Variants in TSHZ2 observed in about 807,000 individuals in gnomAD.
TSHZ2 encodes the protein teashirt homolog 2.
A neutral mutation model predicts 74.4 loss-of-function variants in TSHZ2; 21 were observed. The observed-to-expected ratio is 0.28, with a 90% CI of 0.20 to 0.41. The LOEUF (loss-of-function observed/expected upper bound fraction) is 0.41. Ranked by LOEUF, TSHZ2 falls within the 10% of genes least tolerant of loss-of-function variation. TSHZ2 has a pLI of 1.00. For synonymous variants in TSHZ2, 540 were observed against 515.3 expected, an observed-to-expected ratio of 1.05 and a Z score of -0.65; for missense variants, 1,244 against 1,293.5, an observed-to-expected ratio of 0.96 and a Z score of 0.59.
chr20:53,336,812 A>C (rs781331997), intron 2 of TSHZ2, among the ~76,000 whole-genome samples: 1 of 152,162 alleles, frequency 6.6e-6, no homozygotes, highest in Non-Finnish European at 1.5e-5. Context: ...ATAATGTATT[A>C]TATATATGAA....
intron 2 of TSHZ2, among the ~76,000 whole-genome samples, chr20:53,432,313 T>C (rs1021579423): frequency 1.4e-4 from 22 of 152,232 alleles, no homozygotes; most frequent in African/African-American, 5.3e-4. Flanking sequence ...TTTCATTCTT[T>C]GTATGGCTAA....
intron 1 of TSHZ2, among the ~76,000 whole-genome samples, chr20:53,173,727 G>A (rs1040484064): frequency 2.0e-5 from 3 of 152,156 alleles, no homozygotes; most frequent in African/African-American, 7.2e-5. Flanking sequence ...GGGATGGATG[G>A]GTGGGTGGGT....
At chr20:53,152,240 T>C (rs956413748) in intron 1 of TSHZ2, among the ~76,000 whole-genome samples, 3 of 152,142 alleles carry the variant, frequency 2.0e-5, no homozygotes, top group Non-Finnish European at 4.4e-5. Context: ...GGAGCTTAGA[T>C]CCAATCCACT....
intron 1 of TSHZ2, among the ~76,000 whole-genome samples, chr20:53,012,851 C>G (rs1157505411): frequency 5.3e-5 from 8 of 152,126 alleles, no homozygotes; most frequent in Non-Finnish European, 1.2e-4. Context: ...TAAGATCTCT[C>G]CTTTCCACAA....
rs115940361 is a variant in TSHZ2, at chr20:53,446,943, A to G, written c.*9-40201A>G. Reference sequence around the variant, plus strand: ...GCCCCTAAGAGCCTTCCTCCCCTCTAGGGCTGGACCCCATAAGCAAAAAGA... The same window carrying G: ...GCCCCTAAGAGCCTTCCTCCCCTCTGGGGCTGGACCCCATAAGCAAAAAGA... On this transcript the variant is annotated intron_variant, in intron 2 of 2. Coordinates refer to ENST00000371497, the MANE Select transcript of TSHZ2 (RefSeq NM_173485.6). Among the ~76,000 whole-genome samples, 966 of 152,226 alleles carry G rather than the reference A, an allele frequency of 6.3e-3. 16 individuals carry two copies. Among genetic ancestry groups the G allele is most frequent in the African/African-American group, 0.021 (856 of 41,538 alleles).
intron 2 of TSHZ2, among the ~76,000 whole-genome samples, chr20:53,486,607 C>A (rs1986294913): frequency 6.6e-6 from 1 of 152,068 alleles, no homozygotes; most frequent in African/African-American, 2.4e-5. Flanking sequence ...TTGGGCCTGG[C>A]AGGTTGAGGT....
chr20:53,177,526 C>T (rs1426541581), intron 1 of TSHZ2, among the ~76,000 whole-genome samples: 1 of 152,228 alleles, frequency 6.6e-6, no homozygotes, highest in African/African-American at 2.4e-5. Flanking sequence ...AGGCTTTAGA[C>T]TTGCCCTTTA....
intron 1 of TSHZ2, among the ~76,000 whole-genome samples, chr20:53,217,331 C>A (rs1312533080): frequency 7.9e-5 from 12 of 152,280 alleles, no homozygotes; most frequent in South Asian, 4.1e-4. Context: ...TGGCCTCACC[C>A]GACAGCCCCC....
rs565676463 is a variant in TSHZ2, at chr20:53,039,139, A to C, written c.40+65806A>C. ...AACCTCAGGTGATCCACCCACTTCC[A>C]CCTCCCTACACTTTTCATTCCTGCC... On this transcript the variant is annotated intron_variant, in intron 1 of 2. Transcript: ENST00000371497. Among the ~76,000 whole-genome samples the C allele has an allele frequency of 5.3e-3, 779 of 147,654 alleles. 7 individuals are homozygous for C. Among genetic ancestry groups the C allele is most frequent in the South Asian group, 0.018 (81 of 4,564 alleles).
intron 2 of TSHZ2, among the ~76,000 whole-genome samples, chr20:53,269,245 C>G (rs549408734): frequency 2.0e-5 from 3 of 151,894 alleles, no homozygotes; most frequent in Non-Finnish European, 4.4e-5. Context: ...AGAAAAAAAC[C>G]CTTTCATTTA....
chr20:53,469,992 T>C (rs192242927), intron 2 of TSHZ2, among the ~76,000 whole-genome samples: 9 of 152,322 alleles, frequency 5.9e-5, no homozygotes, highest in Admixed American at 5.9e-4. Flanking sequence ...ATGTTTTCAT[T>C]AACTCAACCG....
At chr20:53,461,307 G>T (rs1251500011) in intron 2 of TSHZ2, among the ~76,000 whole-genome samples, 1 of 152,246 alleles carries the variant, frequency 6.6e-6, no homozygotes, top group African/African-American at 2.4e-5. Flanking sequence ...CGATTTCCAG[G>T]TGCGTCCGTC....
intron 1 of TSHZ2, among the ~76,000 whole-genome samples, chr20:53,003,159 C>T (rs762915745): frequency 8.6e-5 from 13 of 152,008 alleles, no homozygotes; most frequent in African/African-American, 2.9e-4. Context: ...TTTAGTTCAC[C>T]GTCCAGGTAC....
At chr20:53,002,605 A>T (rs758836130) in intron 1 of TSHZ2, among the ~76,000 whole-genome samples, 3 of 152,000 alleles carry the variant, frequency 2.0e-5, no homozygotes, top group Non-Finnish European at 4.4e-5. Flanking sequence ...AATTAGCAAT[A>T]AAATAAATTT....
intron 1 of TSHZ2, among the ~76,000 whole-genome samples, chr20:53,137,849 T>A (rs1256719830): frequency 6.6e-6 from 1 of 152,230 alleles, no homozygotes; most frequent in African/African-American, 2.4e-5. Context: ...GCGGATAAGA[T>A]GCTTTGGAGG....
intron 2 of TSHZ2, among the ~76,000 whole-genome samples, chr20:53,363,179 G>A (rs1446060997): frequency 6.6e-6 from 1 of 152,240 alleles, no homozygotes; most frequent in Non-Finnish European, 1.5e-5. Context: ...GGTGGGCCCT[G>A]CCTTGATCTC....
chr20:53,381,836 A>C (rs981758015), intron 2 of TSHZ2, among the ~76,000 whole-genome samples: 1 of 152,170 alleles, frequency 6.6e-6, no homozygotes, highest in Non-Finnish European at 1.5e-5. Context: ...CCTACACTGC[A>C]TCCACAGAGA....
intron 1 of TSHZ2, among the ~76,000 whole-genome samples, chr20:53,069,469 G>A (rs1465414465): frequency 6.6e-6 from 1 of 151,850 alleles, no homozygotes; most frequent in Non-Finnish European, 1.5e-5. Context: ...AAATATCGAG[G>A]TTTTACTTTA....
At chr20:53,432,658 T>C (rs752734898) in intron 2 of TSHZ2, among the ~76,000 whole-genome samples, 20 of 152,206 alleles carry the variant, frequency 1.3e-4, no homozygotes, top group Non-Finnish European at 2.4e-4. Flanking sequence ...TTCTTAATAA[T>C]AGTCATTCTG....
Sources: gnomAD v4.1 joint callset for allele counts (sites outside exome capture counted in the v4.1 genomes callset) on GRCh38, gnomAD v4.1.1 for gene constraint, MANE v1.5 for transcripts, NCBI Gene and HGNC (gene_info 2026-07-23, HGNC 2026-07-21) for gene names.